PCNX2: variants seen among roughly 807,000 people sequenced by gnomAD.
PCNX2 encodes the protein pecanex 2.
PCNX2 carries 168 observed loss-of-function variants against 223.8 expected under a neutral mutation model. The observed-to-expected ratio is 0.75, with a 90% CI of 0.66 to 0.85. PCNX2 has a LOEUF of 0.85. Among genes scored for constraint, PCNX2 ranks in the 40% least tolerant of loss-of-function variants. PCNX2 has a pLI of 0.00. For missense variants in PCNX2, 2,507 were observed against 2,675.5 expected, an observed-to-expected ratio of 0.94 and a Z score of 1.39; for synonymous variants, 1,006 against 1,052.6, an observed-to-expected ratio of 0.96 and a Z score of 0.86.
At chr1:233,104,223 A>C (rs1050483640) in intron 21 of PCNX2, among the ~76,000 whole-genome samples, 4 of 152,166 alleles carry the variant, frequency 2.6e-5, no homozygotes, top group Non-Finnish European at 5.9e-5. Flanking sequence ...ATGTAAACAG[A>C]TAAAATTTGC....
chr1:233,273,717 G>A (rs145661874), intron 1 of PCNX2, among the ~76,000 whole-genome samples: 2,461 of 151,470 alleles, frequency 0.016, 25 homozygotes, highest in South Asian at 0.028. Context: ...TCCTCCTCTC[G>A]GGTTCAAGCG....
At chr1:233,144,208 T>G (rs746150978) in intron 19 of PCNX2, among the ~76,000 whole-genome samples, 38 of 152,086 alleles carry the variant, frequency 2.5e-4, no homozygotes, top group Non-Finnish European at 4.9e-4. Flanking sequence ...TACCCTCTTT[T>G]GGCCTTACAT....
the PCNX2 span, among the ~76,000 whole-genome samples, chr1:233,316,536 A>T: frequency 1.3e-5 from 2 of 152,124 alleles, no homozygotes; most frequent in African/African-American, 2.4e-5. Flanking sequence ...AAGACCTTCA[A>T]AAAGAACTTC....
chr1:233,248,163 A>G (rs1480735963), intron 8 of PCNX2, among the ~76,000 whole-genome samples: 1 of 152,130 alleles, frequency 6.6e-6, no homozygotes, highest in African/African-American at 2.4e-5. Flanking sequence ...GGAGCTCAGT[A>G]ATTAATTCAG....
the PCNX2 span, among the ~76,000 whole-genome samples, chr1:233,317,401 G>A: frequency 1.3e-5 from 2 of 149,274 alleles, no homozygotes; most frequent in African/African-American, 2.5e-5. Flanking sequence ...GCAACAGTGC[G>A]AGACTCTGTC....
chr1:233,027,469 C>G (rs1671119201), intron 25 of PCNX2, among the ~76,000 whole-genome samples: 1 of 152,128 alleles, frequency 6.6e-6, no homozygotes, highest in Admixed American at 6.5e-5. Context: ...AATTGGCATC[C>G]TTGATTTTTC....
chr1:233,246,136 GAATGCCCTTCAGATGGGATA>G lies in PCNX2; in HGVS notation c.2222+4583_2222+4602del, dbSNP rs1558387054. On this transcript the variant is annotated intron_variant, in intron 8 of 33. Coordinates refer to ENST00000258229, the MANE Select transcript of PCNX2 (RefSeq NM_014801.4). ...GGGATGAATGCCCTTCAGATGGGAT[GAATGCCCTTCAGATGGGATA>G]AATGCCCTTCAGATGGGATAAATGC... Among the ~76,000 whole-genome samples, 188 of 150,090 alleles carry G rather than the reference GAATGCCCTTCAGATGGGATA, an allele frequency of 1.3e-3. 14 individuals are homozygous for G. Among genetic ancestry groups the G allele is most frequent in the African/African-American group, 4.0e-3 (164 of 40,688 alleles).
Position 233,139,973 on chromosome 1 carries a change from C to T in PCNX2, c.3518-118G>A, listed in dbSNP as rs907571132. On this transcript the variant is annotated intron_variant, in intron 19 of 33. Coordinates refer to ENST00000258229, the MANE Select transcript of PCNX2 (RefSeq NM_014801.4). The surrounding 1 kb of genome is among the most constrained non-coding windows in gnomAD (Gnocchi z 4.4). Reference sequence around the variant, plus strand: ...ATTCAAAAGCTGCTAATTAAGAACTCGTGATACTAGACATGATATACCATT... The same window carrying T: ...ATTCAAAAGCTGCTAATTAAGAACTTGTGATACTAGACATGATATACCATT... 7.1e-6 allele frequency: 9 copies of T among 1,271,660 alleles called. No homozygotes were observed. The highest frequency in any genetic ancestry group is 2.7e-5 in the Admixed American group (1 of 36,688). 78.8% of individuals were successfully genotyped at this position (1,271,660 alleles called of 1,614,324 possible). A position where few individuals can be genotyped will look rare whatever the true frequency, so the allele number is the denominator to read the frequency against.
chr1:233,082,141 A>C (rs1558213693), intron 23 of PCNX2, among the ~76,000 whole-genome samples: 1 of 152,088 alleles, frequency 6.6e-6, no homozygotes, highest in Non-Finnish European at 1.5e-5. Flanking sequence ...AAGTTCTTTA[A>C]CTTCCTTGAG....
intron 25 of PCNX2, among the ~76,000 whole-genome samples, chr1:233,053,366 C>T (rs1032102802): frequency 2.6e-5 from 4 of 152,106 alleles, no homozygotes; most frequent in African/African-American, 7.2e-5. Context: ...AGGCCCTCCT[C>T]GACCATCCCA....
intron 17 of PCNX2, 101 bp from the exon 18 acceptor site, chr1:233,161,464 T>C: frequency 1.0e-6 from 1 of 1,002,694 alleles, no homozygotes; most frequent in South Asian, 1.4e-5. Context: ...CAAGATAAAC[T>C]GTTTTTCCAG....
chr1:233,049,420 T>G (rs893807911), intron 25 of PCNX2, among the ~76,000 whole-genome samples: 11 of 152,100 alleles, frequency 7.2e-5, no homozygotes, highest in African/African-American at 2.7e-4. Flanking sequence ...AAAAAACCTT[T>G]CAATAAAATT....
chr1:233,071,906 G>A (rs1325625986), intron 23 of PCNX2, among the ~76,000 whole-genome samples: 3 of 152,160 alleles, frequency 2.0e-5, no homozygotes, highest in African/African-American at 7.2e-5. Context: ...ATGATGCTGA[G>A]CATTTCTTTT....
At chr1:232,996,266 C>T (rs958428001) in intron 32 of PCNX2, among the ~76,000 whole-genome samples, 1 of 152,200 alleles carries the variant, frequency 6.6e-6, no homozygotes, top group African/African-American at 2.4e-5. Context: ...CAGCCACACC[C>T]CCCTGACTCT....
chr1:233,001,479 C>CATAAATAAATAA lies in PCNX2; in HGVS notation c.5097+46_5097+57dup, dbSNP rs4027365. 19 of 682,266 alleles carry CATAAATAAATAA rather than the reference C, an allele frequency of 2.8e-5. No homozygotes were observed. The highest frequency in any genetic ancestry group is 1.5e-4 in the East Asian group (2 of 13,688). The allele number at this position is 682,266 out of a possible 1,614,324, so 42.3% of individuals were successfully genotyped here. A position where few individuals can be genotyped will look rare whatever the true frequency, so the allele number is the denominator to read the frequency against. ...GGGCAACAAGAGCGAAACTCCATCTCATAAATAAATAAATAAATAAATAAA... is the reference window on the plus strand; with the variant it reads ...GGGCAACAAGAGCGAAACTCCATCTCATAAATAAATAAATAAATAAATAAATAAATAAATAAA... On this transcript the variant is annotated intron_variant, in intron 29 of 33. Transcript: ENST00000258229. The surrounding 1 kb of genome is among the most constrained non-coding windows in gnomAD (Gnocchi z 4.2).
chr1:233,006,155 A>G (rs1338582253), intron 28 of PCNX2, among the ~76,000 whole-genome samples: 2 of 152,168 alleles, frequency 1.3e-5, no homozygotes, highest in Admixed American at 6.5e-5. Context: ...GAAGTGCTAA[A>G]TACTGTCATA....
chr1:233,274,849 T>C (rs1195861828), intron 1 of PCNX2, among the ~76,000 whole-genome samples: 2 of 152,140 alleles, frequency 1.3e-5, no homozygotes, highest in Non-Finnish European at 2.9e-5. Flanking sequence ...TTGATCTTCA[T>C]GATGAAGAGC....
chr1:233,134,208 G>T (rs949789239), intron 21 of PCNX2, among the ~76,000 whole-genome samples: 1 of 152,196 alleles, frequency 6.6e-6, no homozygotes, highest in Admixed American at 6.5e-5. Flanking sequence ...CGTGGAAGAG[G>T]TTGTATCATC....
At chr1:233,134,116 G>C (rs1158873649) in intron 21 of PCNX2, among the ~76,000 whole-genome samples, 1 of 152,154 alleles carries the variant, frequency 6.6e-6, no homozygotes, top group Non-Finnish European at 1.5e-5. Flanking sequence ...TTAACTAAAA[G>C]GGGAAAGGTG....
Sources: allele counts gnomAD v4.1 joint callset (sites outside exome capture counted in the v4.1 genomes callset), GRCh38; gene constraint gnomAD v4.1.1; non-coding constraint Gnocchi (gnomAD v3.1); transcripts MANE v1.5; gene names NCBI Gene and HGNC (gene_info 2026-07-23, HGNC 2026-07-21).